The following RPTOR variants were observed in gnomAD, a reference collection of about 807,000 sequenced individuals.
RPTOR encodes the protein regulatory-associated protein of mTOR.
RPTOR carries 21 observed loss-of-function variants against 169.9 expected under a neutral mutation model. The ratio of observed to expected loss-of-function variants is 0.12; its 90% CI spans 0.09 to 0.18. The LOEUF (loss-of-function observed/expected upper bound fraction) is 0.18. Ranked by LOEUF, RPTOR falls within the 10% of genes least tolerant of loss-of-function variation. The pLI is 1.00. For missense variants in RPTOR, 1,133 were observed against 1,855.9 expected (o/e 0.61, Z 7.16); for synonymous variants, 732 against 753.2 (o/e 0.97, Z 0.46).
intron 1 of RPTOR, among the ~76,000 whole-genome samples, chr17:80,567,802 TAAAATAAA>T (rs1489067850): frequency 8.2e-6 from 1 of 121,702 alleles, no homozygotes; most frequent in Non-Finnish European, 1.8e-5. Context: ...AAAAAATAAA[TAAAATAAA>T]TAAATAAATA....
rs1208258080 is a variant in RPTOR, at chr17:80,685,638, T to TATG, written c.349-22203_349-22202insATG. Among the ~76,000 whole-genome samples the TATG allele has an allele frequency of 3.4e-5, 3 of 88,124 alleles. 1 individual carries two copies. The highest frequency in any genetic ancestry group is 1.2e-4 in the African/African-American group (3 of 25,170). 57.8% of individuals were successfully genotyped at this position (88,124 alleles called of 152,430 possible). A position where few individuals can be genotyped will look rare whatever the true frequency, so the allele number is the denominator to read the frequency against. ...ATATATATATATATATTTTTTTTTT[T>TATG]TTTTTTTTTTTTTTTTTTTGCTGTG... is the stretch of plus-strand genomic sequence containing the variant. On this transcript the variant is annotated intron_variant, in intron 3 of 33. Coordinates refer to ENST00000306801, the MANE Select transcript of RPTOR (RefSeq NM_020761.3).
Position 80,694,223 on chromosome 17 carries a change from G to A in RPTOR, c.349-13618G>A, listed in dbSNP as rs568376450. Among the ~76,000 whole-genome samples the A allele has an allele frequency of 9.2e-5, 14 of 152,318 alleles. No individual in the cohort carries two copies. In the East Asian group the frequency reaches 2.1e-3, roughly 23 times the overall value. On this transcript the variant is annotated intron_variant, in intron 3 of 33. Transcript: ENST00000306801. ...GGCGACAGGTCGAGGCAGTTGCCCCGTGCTCACGAATCCCTGACACAGCTG... is the reference window on the plus strand; with the variant it reads ...GGCGACAGGTCGAGGCAGTTGCCCCATGCTCACGAATCCCTGACACAGCTG...
chr17:80,673,028 G>A (rs1055978961), intron 3 of RPTOR, among the ~76,000 whole-genome samples: 8 of 152,078 alleles, frequency 5.3e-5, no homozygotes, highest in African/African-American at 1.9e-4. Flanking sequence ...CCGGGTTCAA[G>A]CGAGTCTCAT....
chr17:80,812,136 A>C (rs1331118614), intron 7 of RPTOR, among the ~76,000 whole-genome samples: 4 of 152,208 alleles, frequency 2.6e-5, no homozygotes, highest in Non-Finnish European at 5.9e-5. Flanking sequence ...TAATATACTA[A>C]ATTTTTAATT....
At chr17:80,626,064 A>ATTC (rs930232932) in intron 2 of RPTOR, among the ~76,000 whole-genome samples, 64 of 151,858 alleles carry the variant, frequency 4.2e-4, no homozygotes, top group Middle Eastern at 3.4e-3. Flanking sequence ...TATTATTATT[A>ATTC]TTTTTTTGAG....
intron 2 of RPTOR, among the ~76,000 whole-genome samples, chr17:80,641,042 G>GT (rs1417131175): frequency 6.6e-6 from 1 of 152,222 alleles, no homozygotes; most frequent in Non-Finnish European, 1.5e-5. Context: ...TGTTAAAGCT[G>GT]TTTTTTGCTT....
At position 80,665,356 on chromosome 17, in the gene RPTOR, T is replaced by C. The variant is rs547338258; in HGVS notation, c.348+21546T>C. Among the ~76,000 whole-genome samples, 8 of 5,234 alleles carry C rather than the reference T, an allele frequency of 1.5e-3. No homozygotes were observed. The African/African-American group carries it at 0.018, about 12-fold the overall frequency. The allele number at this position is 5,234 out of a possible 152,430, so 3.4% of individuals were successfully genotyped here. The stretch of plus-strand genomic sequence containing the variant: ...CCCTTTCCTTTCCTTTCCTTTCCTT[T>C]CCTTTCCTTTCCTTTCCTTTCCTTT... On this transcript the variant is annotated intron_variant, in intron 3 of 33. Transcript: ENST00000306801.
intron 2 of RPTOR, among the ~76,000 whole-genome samples, chr17:80,627,522 C>T (rs1436587067): frequency 6.6e-6 from 1 of 152,150 alleles, no homozygotes; most frequent in African/African-American, 2.4e-5. Context: ...CTGATTTTTT[C>T]CTTTTACAGA....
At chr17:80,641,468 A>AT (rs907707970) in intron 2 of RPTOR, among the ~76,000 whole-genome samples, 13 of 152,290 alleles carry the variant, frequency 8.5e-5, no homozygotes, top group African/African-American at 2.2e-4. Context: ...TTTTTATTTT[A>AT]TTTTTTTATC....
At chr17:80,716,656 A>C (rs184316782) in intron 4 of RPTOR, among the ~76,000 whole-genome samples, 198 of 152,216 alleles carry the variant, frequency 1.3e-3, no homozygotes, top group Admixed American at 3.5e-3. Flanking sequence ...ACCAGTCTCT[A>C]GAAGGGTTTT....
At chr17:80,806,041 G>A (rs2067215448) in intron 7 of RPTOR, among the ~76,000 whole-genome samples, 2 of 152,198 alleles carry the variant, frequency 1.3e-5, no homozygotes, top group Admixed American at 6.5e-5. Flanking sequence ...GCAGCACTGT[G>A]CATATGAACC....
chr17:80,608,678 T>G (rs889022382), intron 1 of RPTOR, among the ~76,000 whole-genome samples: 1 of 152,168 alleles, frequency 6.6e-6, no homozygotes, highest in Non-Finnish European at 1.5e-5. Context: ...TCAGGGCCAC[T>G]GCCGCCTGCT....
chr17:80,800,109 C>T (rs2067141935), intron 7 of RPTOR, among the ~76,000 whole-genome samples: 2 of 152,208 alleles, frequency 1.3e-5, no homozygotes, highest in Admixed American at 1.3e-4. Flanking sequence ...CTGAGTGTGG[C>T]ACAGCACCAC....
At chr17:80,549,105 C>T (rs889287245) in intron 1 of RPTOR, among the ~76,000 whole-genome samples, 2 of 152,156 alleles carry the variant, frequency 1.3e-5, no homozygotes, top group Non-Finnish European at 2.9e-5. Context: ...AGTTGGGATT[C>T]CTGCCATCTT....
At chr17:80,660,739 C>T (rs1487048339) in intron 3 of RPTOR, among the ~76,000 whole-genome samples, 2 of 152,224 alleles carry the variant, frequency 1.3e-5, no homozygotes, top group African/African-American at 4.8e-5. Context: ...GCTGGCCGCA[C>T]TCAATGGTAA....
rs192587592 is a variant in RPTOR, at chr17:80,561,351, C to T, written c.162+15560C>T. Among the ~76,000 whole-genome samples the T allele has an allele frequency of 4.7e-3, 687 of 147,704 alleles. 6 individuals carry two copies. The highest frequency in any genetic ancestry group is 0.016 in the African/African-American group (637 of 40,228). ...GTCTCAAACTCCTGACCTCGTGATC[C>T]GTCAGCCTCGGCCTCCCAAAGTGCT... is the stretch of plus-strand genomic sequence containing the variant. On this transcript the variant is annotated intron_variant, in intron 1 of 33. Coordinates refer to ENST00000306801, the MANE Select transcript of RPTOR (RefSeq NM_020761.3).
rs1045203370 is a variant in RPTOR, at chr17:80,633,683, A to G, written c.265+7890A>G. ...CATGTGAAATTCCCCTTTGTAGTTG[A>G]TAGGTATTTTCGGGAAGAAGTGCTT... On this transcript the variant is annotated intron_variant, in intron 2 of 33. Transcript: ENST00000306801. The surrounding 1 kb of genome is among the most constrained non-coding windows in gnomAD (Gnocchi z 4.1). Among the ~76,000 whole-genome samples, 4 of 152,082 alleles carry G rather than the reference A, an allele frequency of 2.6e-5. No homozygotes were observed. Among genetic ancestry groups the G allele is most frequent in the Non-Finnish European group, 5.9e-5 (4 of 68,030 alleles).
intron 3 of RPTOR, among the ~76,000 whole-genome samples, chr17:80,700,781 ATGATGGTGGTGG>A (rs1567864813): frequency 2.3e-3 from 7 of 3,016 alleles, no homozygotes; most frequent in Admixed American, 5.9e-3. Context: ...GGTAGAGATG[ATGATGGTGGTGG>A]TGGTGATGAT....
chr17:80,845,861 G>A lies in RPTOR; in HGVS notation c.1213-612G>A, dbSNP rs567800851. Among the ~76,000 whole-genome samples, 21 of 152,194 alleles carry A rather than the reference G, an allele frequency of 1.4e-4. No individual in the cohort carries two copies. The South Asian group carries it at 3.1e-3, about 23-fold the overall frequency. On this transcript the variant is annotated intron_variant, in intron 10 of 33. Coordinates refer to ENST00000306801, the MANE Select transcript of RPTOR (RefSeq NM_020761.3). The surrounding 1 kb of genome is among the most constrained non-coding windows in gnomAD (Gnocchi z 5.4). The stretch of plus-strand genomic sequence containing the variant: ...CCAGTCAGCTCTCCATCCTTATCTC[G>A]CCTGGCCCGGTGCTGGTTTGTGGCT...
Sources: gnomAD v4.1 joint callset for allele counts (sites outside exome capture counted in the v4.1 genomes callset) on GRCh38, gnomAD v4.1.1 for gene constraint, Gnocchi (gnomAD v3.1) non-coding constraint, MANE v1.5 for transcripts, NCBI Gene and HGNC (gene_info 2026-07-23, HGNC 2026-07-21) for gene names.